NALCN: variants seen among roughly 807,000 people sequenced by gnomAD.
NALCN encodes the protein sodium leak channel, non-selective.
A neutral mutation model predicts 225.3 loss-of-function variants in NALCN; 111 were observed. That is an observed-to-expected ratio of 0.49 (90% CI 0.42 to 0.58). NALCN has a LOEUF of 0.58. Among genes scored for constraint, NALCN ranks in the 20% least tolerant of loss-of-function variants. NALCN has a pLI of 0.00. For synonymous variants in NALCN, 764 were observed against 769.0 expected, an observed-to-expected ratio of 0.99 and a Z score of 0.11; for missense variants, 1,378 against 2,202.4, an observed-to-expected ratio of 0.63 and a Z score of 7.49.
chr13:101,415,215 A>ATATATATATATATATATATG (rs2047904483), intron 1 of NALCN, among the ~76,000 whole-genome samples: 2 of 78,934 alleles, frequency 2.5e-5, no homozygotes, highest in African/African-American at 1.5e-4. Context: ...ACACATATAT[A>ATATATATATATATATATATG]TATATATATA....
intron 10 of NALCN, among the ~76,000 whole-genome samples, chr13:101,282,762 T>C (rs1194503742): frequency 6.6e-6 from 1 of 152,182 alleles, no homozygotes; most frequent in Non-Finnish European, 1.5e-5. Context: ...AATCATCACA[T>C]TGTATACCTT....
intron 20 of NALCN, among the ~76,000 whole-genome samples, chr13:101,108,065 T>G (rs953503643): frequency 1.4e-5 from 2 of 145,940 alleles, no homozygotes; most frequent in African/African-American, 4.9e-5. Context: ...AAGTATATAT[T>G]TACAATAAAT....
intron 6 of NALCN, among the ~76,000 whole-genome samples, chr13:101,346,482 T>C (rs1213062186): frequency 1.3e-5 from 2 of 152,144 alleles, no homozygotes; most frequent in African/African-American, 2.4e-5. Flanking sequence ...TCATCAATGA[T>C]ACTTGTCCTT....
rs555364338 is a variant in NALCN, at chr13:101,414,187, G to A, written c.-40+2126C>T. Among the ~76,000 whole-genome samples the A allele has an allele frequency of 2.6e-5, 4 of 152,030 alleles. No individual in the cohort carries two copies. In the South Asian group the frequency reaches 8.3e-4, roughly 32 times the overall value. On this transcript the variant is annotated intron_variant, in intron 1 of 43. Coordinates refer to ENST00000251127, the MANE Select transcript of NALCN (RefSeq NM_052867.4). ...GGCATGAGCCACCGTGTGTGGCCTT[G>A]GGGACCATTCTTAATATGTTTAAGC...
rs765124753 is a variant in NALCN, at chr13:101,316,219, C to T, written c.800-23853G>A. Reference sequence around the variant, plus strand: ...TGCCTTGTCCTCTTCCTCTCCCACACAGCAACAGATGACAATGGTCTAATT... The same window carrying T: ...TGCCTTGTCCTCTTCCTCTCCCACATAGCAACAGATGACAATGGTCTAATT... On this transcript the variant is annotated intron_variant, in intron 7 of 43. Transcript: ENST00000251127. Among the ~76,000 whole-genome samples, 120 of 152,326 alleles carry T rather than the reference C, an allele frequency of 7.9e-4. 1 individual carries two copies. The highest frequency in any genetic ancestry group is 1.4e-3 in the Non-Finnish European group (96 of 68,020).
intron 7 of NALCN, among the ~76,000 whole-genome samples, chr13:101,293,834 C>G (rs2043637431): frequency 6.6e-6 from 1 of 152,202 alleles, no homozygotes; most frequent in Non-Finnish European, 1.5e-5. Flanking sequence ...TGCTAATATA[C>G]TTTCTATAGA....
At chr13:101,406,744 T>C (rs2047638097) in intron 1 of NALCN, among the ~76,000 whole-genome samples, 1 of 152,230 alleles carries the variant, frequency 6.6e-6, no homozygotes, top group Non-Finnish European at 1.5e-5. Flanking sequence ...TATCCATTTA[T>C]TATTCCTTTT....
chr13:101,121,849 A>G (rs1382751710), intron 18 of NALCN, among the ~76,000 whole-genome samples: 1 of 152,154 alleles, frequency 6.6e-6, no homozygotes, highest in Non-Finnish European at 1.5e-5. Flanking sequence ...GAGTCCCTAG[A>G]GGCAGTAAAA....
At chr13:101,307,547 T>A (rs1294155082) in intron 7 of NALCN, among the ~76,000 whole-genome samples, 1 of 152,212 alleles carries the variant, frequency 6.6e-6, no homozygotes, top group Non-Finnish European at 1.5e-5. Context: ...TTCTTTCCAC[T>A]CTGCCATGCA....
Position 101,313,913 on chromosome 13 carries a change from A to T in NALCN, c.800-21547T>A, listed in dbSNP as rs376329525. ...ATAGCAAAGACTTGGAACCAACCCAAATGTCCAACAACGAGAGACTGGATT... is the reference window on the plus strand; with the variant it reads ...ATAGCAAAGACTTGGAACCAACCCATATGTCCAACAACGAGAGACTGGATT... On this transcript the variant is annotated intron_variant, in intron 7 of 43. Transcript: ENST00000251127. Among the ~76,000 whole-genome samples, 34 of 152,272 alleles carry T rather than the reference A, an allele frequency of 2.2e-4. No individual in the cohort carries two copies. In the East Asian group the frequency reaches 6.2e-3, roughly 28 times the overall value.
intron 18 of NALCN, among the ~76,000 whole-genome samples, chr13:101,121,919 G>A (rs1169268090): frequency 1.3e-5 from 2 of 150,766 alleles, no homozygotes; most frequent in South Asian, 2.1e-4. Flanking sequence ...AAGGTTATTC[G>A]AATCAATTGT....
At chr13:101,228,645 G>A (rs1218768024) in intron 13 of NALCN, among the ~76,000 whole-genome samples, 2 of 152,136 alleles carry the variant, frequency 1.3e-5, no homozygotes, top group Non-Finnish European at 2.9e-5. Context: ...GTGGAACTGT[G>A]AGTCCATTAA....
At chr13:101,265,268 G>A (rs1404770335) in intron 10 of NALCN, among the ~76,000 whole-genome samples, 2 of 152,156 alleles carry the variant, frequency 1.3e-5, no homozygotes, top group African/African-American at 4.8e-5. Flanking sequence ...CTACAAAATG[G>A]TACCTGACCA....
At chr13:101,315,347 C>A (rs961662003) in intron 7 of NALCN, among the ~76,000 whole-genome samples, 7 of 152,062 alleles carry the variant, frequency 4.6e-5, no homozygotes, top group African/African-American at 1.7e-4. Flanking sequence ...GATTTCTTTT[C>A]CTTCTTAAAA....
intron 12 of NALCN, among the ~76,000 whole-genome samples, chr13:101,233,326 G>C (rs924312121): frequency 6.6e-6 from 1 of 150,668 alleles, no homozygotes; most frequent in East Asian, 2.0e-4. Context: ...TGAAATTCAT[G>C]TTCTTGGGAA....
chr13:101,199,581 T>C (rs1390817061), intron 13 of NALCN, among the ~76,000 whole-genome samples: 3 of 134,462 alleles, frequency 2.2e-5, no homozygotes, highest in African/African-American at 8.5e-5. Context: ...TTCTCACTCA[T>C]AGGTGGGAAT....
rs182585330 is a variant in NALCN at position 101,340,785 on chromosome 13, T to G, written c.799+4481A>C. Among the ~76,000 whole-genome samples the G allele has an allele frequency of 2.6e-5, 4 of 152,342 alleles. No homozygotes were observed. The East Asian group carries it at 5.8e-4, about 22-fold the overall frequency. On this transcript the variant is annotated intron_variant, in intron 7 of 43. Coordinates refer to ENST00000251127, the MANE Select transcript of NALCN (RefSeq NM_052867.4). ...GCTACAGCAAATAGCATAACTCTAT[T>G]CAGAGGTTAAAAAATATACTGTTTG... is the stretch of plus-strand genomic sequence containing the variant.
chr13:101,361,708 A>G (rs771306407), intron 6 of NALCN, among the ~76,000 whole-genome samples: 40 of 152,206 alleles, frequency 2.6e-4, no homozygotes, highest in Middle Eastern at 3.2e-3. Flanking sequence ...TCGGGTTGTT[A>G]TAAGTATTAA....
intron 13 of NALCN, among the ~76,000 whole-genome samples, chr13:101,200,910 T>C (rs530094791): frequency 6.6e-6 from 1 of 152,314 alleles, no homozygotes; most frequent in African/African-American, 2.4e-5. Flanking sequence ...TATTTTAGTA[T>C]GTGTGGATAT....
Sources: gnomAD v4.1 joint callset for allele counts (sites outside exome capture counted in the v4.1 genomes callset) on GRCh38, gnomAD v4.1.1 for gene constraint, MANE v1.5 for transcripts, NCBI Gene and HGNC (gene_info 2026-07-23, HGNC 2026-07-21) for gene names.